The following VWA8 variants were observed in gnomAD, a reference collection of about 807,000 sequenced individuals.
VWA8 encodes the protein von Willebrand factor A domain-containing protein 8.
Under a neutral mutation model 241.5 loss-of-function variants are expected in VWA8, and 221 were observed. The observed-to-expected ratio is 0.91, with a 90% CI of 0.82 to 1.02. VWA8 has a LOEUF of 1.02. VWA8 is among the 50% of genes least tolerant of loss of function. VWA8 has a pLI of 0.00. For synonymous variants in VWA8, 852 were observed against 827.1 expected (o/e 1.03, Z -0.52); for missense variants, 2,322 against 2,328.7 (o/e 1.00, Z 0.06).
chr13:41,908,793 A>G (rs1299088008), intron 3 of VWA8, among the ~76,000 whole-genome samples: 1 of 152,226 alleles, frequency 6.6e-6, no homozygotes, highest in Admixed American at 6.5e-5. Flanking sequence ...TGAAGTAAAA[A>G]CAATGACATT....
intron 37 of VWA8, among the ~76,000 whole-genome samples, chr13:41,618,478 T>G (rs990485197): frequency 3.9e-5 from 6 of 152,126 alleles, no homozygotes; most frequent in South Asian, 2.1e-4. Context: ...CTTTAGTTTA[T>G]TTAGATCCCA....
intron 9 of VWA8, among the ~76,000 whole-genome samples, chr13:41,882,266 C>T (rs1052541178): frequency 6.7e-5 from 10 of 149,990 alleles, no homozygotes; most frequent in Non-Finnish European, 1.3e-4. Flanking sequence ...AAGAGGCGCT[C>T]GTCACTTCCT....
chr13:41,884,173 T>C (rs895423154), intron 8 of VWA8, among the ~76,000 whole-genome samples: 4 of 152,340 alleles, frequency 2.6e-5, no homozygotes, highest in Admixed American at 6.5e-5. Context: ...GGTTTGGCTG[T>C]GTCCCCACCC....
chr13:41,929,811 T>C (rs879338379), intron 2 of VWA8, among the ~76,000 whole-genome samples: 55 of 152,192 alleles, frequency 3.6e-4, no homozygotes, highest in Admixed American at 1.8e-3. Context: ...CTCCTGGACA[T>C]TGGCCTTGGC....
rs181145057 is a variant in VWA8 at position 41,958,772 on chromosome 13, C to G, written c.163+2081G>C. On this transcript the variant is annotated intron_variant, in intron 1 of 44. Transcript: ENST00000379310. ...AAAAAATACCTCTTTTTGGTCTGAT[C>G]CTGCCAGAGTAAATGACTGATTTAA... 8.0e-4 allele frequency among the ~76,000 whole-genome samples: 122 copies of G among 152,292 alleles called. 1 individual carries two copies. The highest frequency in any genetic ancestry group is 2.6e-3 in the African/African-American group (107 of 41,554).
chr13:41,690,121 A>G (rs1376239564), intron 33 of VWA8, 45 bp downstream of exon 33: 4 of 1,532,602 alleles, frequency 2.6e-6, no homozygotes, highest in South Asian at 1.1e-5. Flanking sequence ...TATATGTACA[A>G]GCATGCACTC....
At chr13:41,688,852 C>T (rs1327954521) in intron 34 of VWA8, among the ~76,000 whole-genome samples, 2 of 151,932 alleles carry the variant, frequency 1.3e-5, no homozygotes, top group African/African-American at 4.8e-5. Context: ...GGGTGAGGAT[C>T]AAAAAACTAC....
chr13:41,703,227 T>C (rs2045261114), intron 27 of VWA8, 76 bp downstream of exon 27: 3 of 1,153,122 alleles, frequency 2.6e-6, no homozygotes, highest in African/African-American at 1.5e-5. Flanking sequence ...CTGAGATTGT[T>C]TGAATTATCT....
intron 2 of VWA8, chr13:41,925,955 C>T (rs1263817098): frequency 2.6e-6 from 1 of 377,684 alleles, no homozygotes; most frequent in South Asian, 3.4e-5. Flanking sequence ...CTGGGGGTCA[C>T]CTGAATGATG....
intron 9 of VWA8, among the ~76,000 whole-genome samples, chr13:41,875,733 G>C (rs1192715175): frequency 6.6e-6 from 1 of 151,826 alleles, no homozygotes; most frequent in African/African-American, 2.4e-5. Flanking sequence ...TTCAGGAGTG[G>C]AACTTTTTAT....
At position 41,896,231 on chromosome 13, in the gene VWA8, C is replaced by G. The variant is rs551615556; in HGVS notation, c.484-4644G>C. ...TTTTTGCTATTATTACATGTATTACCTTTCCTATGTAAGGAAACTAGTTAA... is the reference window on the plus strand; with the variant it reads ...TTTTTGCTATTATTACATGTATTACGTTTCCTATGTAAGGAAACTAGTTAA... On this transcript the variant is annotated intron_variant, in intron 4 of 44. Coordinates refer to ENST00000379310, the MANE Select transcript of VWA8 (RefSeq NM_015058.2). Among the ~76,000 whole-genome samples, 180 of 152,002 alleles carry G rather than the reference C, an allele frequency of 1.2e-3. 1 individual carries two copies. The highest frequency in any genetic ancestry group is 2.4e-3 in the Non-Finnish European group (160 of 67,890).
intron 21 of VWA8, among the ~76,000 whole-genome samples, chr13:41,739,576 A>C (rs929039637): frequency 1.3e-5 from 2 of 152,188 alleles, no homozygotes; most frequent in African/African-American, 4.8e-5. Context: ...TATGTTTATC[A>C]GACTTTAACC....
intron 12 of VWA8, among the ~76,000 whole-genome samples, chr13:41,863,491 C>G (rs998252105): frequency 2.9e-5 from 4 of 139,898 alleles, no homozygotes; most frequent in Admixed American, 7.4e-5. Context: ...TTAGTTCTGT[C>G]TATATATATT....
chr13:41,614,852 C>A, intron 38 of VWA8, 124 bp downstream of exon 38: 1 of 936,408 alleles, frequency 1.1e-6, no homozygotes, highest in East Asian at 2.6e-5. Context: ...AACAATCCAA[C>A]TGAGTAATGA....
chr13:41,694,982 T>C (rs2045206855), intron 29 of VWA8, among the ~76,000 whole-genome samples: 1 of 152,202 alleles, frequency 6.6e-6, no homozygotes, highest in South Asian at 2.1e-4. Flanking sequence ...GAAGGAGTTC[T>C]GTTGCTCCAT....
At chr13:41,737,091 A>G (rs975800801) in intron 21 of VWA8, among the ~76,000 whole-genome samples, 1 of 151,966 alleles carries the variant, frequency 6.6e-6, no homozygotes, top group Non-Finnish European at 1.5e-5. Flanking sequence ...CAGCCTCCCA[A>G]AATGCTGGGA....
chr13:41,797,084 G>A (rs932010117), intron 17 of VWA8, among the ~76,000 whole-genome samples: 47 of 152,048 alleles, frequency 3.1e-4, no homozygotes, highest in Non-Finnish European at 1.0e-4. Context: ...AGGCTAGAGT[G>A]TAATGGTGTG....
intron 20 of VWA8, among the ~76,000 whole-genome samples, chr13:41,764,851 G>A (rs912465535): frequency 3.3e-5 from 5 of 152,024 alleles, no homozygotes; most frequent in African/African-American, 1.2e-4. Context: ...AGAAGCCACT[G>A]AAGTAAAGGA....
At chr13:41,633,381 G>C (rs891561131) in intron 37 of VWA8, among the ~76,000 whole-genome samples, 1 of 152,186 alleles carries the variant, frequency 6.6e-6, no homozygotes, top group Non-Finnish European at 1.5e-5. Context: ...AATATCTAGT[G>C]ACTAAATGAA....
Sources: gnomAD v4.1 joint callset for allele counts (sites outside exome capture counted in the v4.1 genomes callset) on GRCh38, gnomAD v4.1.1 for gene constraint, MANE v1.5 for transcripts, NCBI Gene and HGNC (gene_info 2026-07-23, HGNC 2026-07-21) for gene names.